The following EPB41 variants were observed in gnomAD, a reference collection of about 807,000 sequenced individuals.
The protein encoded by EPB41 is protein 4.1.
In EPB41, 65 loss-of-function variants were observed where a neutral mutation model predicts 108.0. That is an observed-to-expected ratio of 0.60 (90% CI 0.49 to 0.74). The LOEUF (loss-of-function observed/expected upper bound fraction) is 0.74. EPB41 is among the 30% of genes least tolerant of loss of function. EPB41 has a pLI of 0.00. For synonymous variants in EPB41, 336 were observed against 358.9 expected (o/e 0.94, Z 0.72); for missense variants, 875 against 1,037.0 (o/e 0.84, Z 2.15).
At chr1:28,960,202 C>T (rs749908252) in intron 1 of EPB41, among the ~76,000 whole-genome samples, 7 of 151,176 alleles carry the variant, frequency 4.6e-5, no homozygotes, top group Non-Finnish European at 1.0e-4. Flanking sequence ...AGAGGTGGGG[C>T]GTCTCATCAT....
intron 16 of EPB41, among the ~76,000 whole-genome samples, chr1:29,066,705 C>T (rs1194796112): frequency 1.3e-5 from 2 of 151,960 alleles, no homozygotes; most frequent in African/African-American, 4.8e-5. Flanking sequence ...TGGAGTTTCA[C>T]TCTTGTTGCC....
intron 1 of EPB41, among the ~76,000 whole-genome samples, chr1:28,927,961 AT>A (rs2148456595): frequency 6.6e-6 from 1 of 152,212 alleles, no homozygotes; most frequent in East Asian, 1.9e-4. Flanking sequence ...CCCCTGGGGA[AT>A]CCCTTGCTGA....
chr1:28,926,183 T>A (rs2093435003), intron 1 of EPB41, among the ~76,000 whole-genome samples: 1 of 147,150 alleles, frequency 6.8e-6, no homozygotes, highest in South Asian at 2.1e-4. Context: ...CCATCTCTAC[T>A]AAAAAAAAAA....
At chr1:29,112,512 G>C (rs1333705476) in intron 19 of EPB41, 64 bp downstream of exon 19, 1 of 1,352,708 alleles carries the variant, frequency 7.4e-7, no homozygotes, top group East Asian at 2.3e-5. Context: ...GATGAATACA[G>C]GAGTTTGTTT....
intron 17 of EPB41, among the ~76,000 whole-genome samples, chr1:29,105,439 T>C (rs959618886): frequency 6.6e-5 from 10 of 152,048 alleles, no homozygotes; most frequent in African/African-American, 9.7e-5. Context: ...GGTTTCACCA[T>C]GTTGGCCAGG....
At chr1:29,055,930 C>CAA (rs35702090) in intron 12 of EPB41, among the ~76,000 whole-genome samples, 2,183 of 59,168 alleles carry the variant, frequency 0.037, 160 homozygotes, top group African/African-American at 0.11. Context: ...AAGACTGTCT[C>CAA]AAAAAAAAAA....
In EPB41 at chr1:29,018,391, A is replaced by G. The variant is rs751756531; in HGVS notation, c.1073A>G (p.Asn358Ser). The G allele has an allele frequency of 5.6e-6, 9 of 1,614,152 alleles. No individual in the cohort carries two copies. Among genetic ancestry groups the G allele is most frequent in the Non-Finnish European group, 6.8e-6 (8 of 1,180,036 alleles). The change falls in exon 7 of 21, where the codon AAT (asparagine) becomes AGT (serine). Residue 358 changes from asparagine to serine, a missense_variant. By Grantham distance (46) the Asn-to-Ser change is conservative. Transcript: ENST00000343067. The surrounding 1 kb of genome is among the most constrained non-coding windows in gnomAD (Gnocchi z 4.4). ...DYVSDFKLAP[N>S]QTKELEEKVM... ...GTTAGTGATTTTAAACTGGCCCCGA[A>G]TCAGACCAAGGAACTTGAAGAGAAG...
intron 1 of EPB41, among the ~76,000 whole-genome samples, chr1:28,979,351 G>A (rs1287618994): frequency 6.6e-6 from 1 of 151,432 alleles, no homozygotes. Context: ...TGAGTGTTTT[G>A]AAGACCATAC....
chr1:29,090,453 A>G (rs918349124), intron 16 of EPB41, among the ~76,000 whole-genome samples: 1 of 152,006 alleles, frequency 6.6e-6, no homozygotes. Context: ...TACTAATATG[A>G]TAGAAGTGAC....
intron 1 of EPB41, among the ~76,000 whole-genome samples, chr1:28,919,489 G>A (rs1175879333): frequency 6.6e-6 from 1 of 151,570 alleles, no homozygotes; most frequent in Admixed American, 6.6e-5. Flanking sequence ...TTTGAGGCAG[G>A]GTCTTGCTCT....
chr1:28,948,333 C>G (rs2094561857), intron 1 of EPB41, among the ~76,000 whole-genome samples: 3 of 150,900 alleles, frequency 2.0e-5, no homozygotes, highest in South Asian at 4.2e-4. Flanking sequence ...AACCCCGTCT[C>G]TACTAAAAAT....
intron 1 of EPB41, among the ~76,000 whole-genome samples, chr1:28,917,246 C>CTGTGTG (rs554163319): frequency 6.6e-6 from 1 of 151,528 alleles, no homozygotes; most frequent in African/African-American, 2.4e-5. Flanking sequence ...CCATCTCTCT[C>CTGTGTG]TCTGTGTGTG....
chr1:29,021,435 TAA>T (rs1253895092), intron 7 of EPB41, among the ~76,000 whole-genome samples: 1 of 152,184 alleles, frequency 6.6e-6, no homozygotes, highest in Non-Finnish European at 1.5e-5. Flanking sequence ...TTAATTTTAT[TAA>T]GTCTTGAATA....
At position 29,095,299 on chromosome 1, in the gene EPB41, GT is replaced by G. The variant is rs201881080; in HGVS notation, c.2185-2505del. On this transcript the variant is annotated intron_variant, in intron 16 of 20. Transcript: ENST00000343067. ...TCTCAGCTGCTGGGTCATTTTAATT[GT>G]TTACAAAGAAACATTTCACCATTTT... Among the ~76,000 whole-genome samples the G allele has an allele frequency of 2.0e-4, 30 of 152,276 alleles. 2 individuals carry two copies. The East Asian group carries it at 5.8e-3, about 29-fold the overall frequency.
In EPB41 at chr1:29,013,005, AAAAGTT is replaced by A. The variant is rs565880692; in HGVS notation, c.829+1101_829+1106del. 3.8e-3 allele frequency among the ~76,000 whole-genome samples: 573 copies of A among 152,326 alleles called. 6 individuals are homozygous for A. The highest frequency in any genetic ancestry group is 0.013 in the African/African-American group (532 of 41,560). On this transcript the variant is annotated intron_variant, in intron 5 of 20. Transcript: ENST00000343067. ...TTATCCAAGAAGATTCTTTAAGAGA[AAAAGTT>A]AACAGAGTTTATGATGAGTAAAAAA... is the stretch of plus-strand genomic sequence containing the variant.
chr1:28,929,462 C>A (rs1215375827), intron 1 of EPB41, among the ~76,000 whole-genome samples: 1 of 151,848 alleles, frequency 6.6e-6, no homozygotes, highest in Non-Finnish European at 1.5e-5. Context: ...GATCTCCTGA[C>A]CTTGTGATCC....
In EPB41 at chr1:29,058,599, C is replaced by T. The variant is rs1264206407; in HGVS notation, c.1856C>T (p.Thr619Ile). 1 of 1,613,520 alleles carries T rather than the reference C, an allele frequency of 6.2e-7. No homozygotes were observed. Among genetic ancestry groups the T allele is most frequent in the South Asian group, 1.1e-5 (1 of 90,956 alleles). ...ATTTCTTAAATGTAGGTGGAAAAAA[C>T]CCACATCGAGGTGACAGTACCCACC... ...EPTEAWKVEK[T>I]HIEVTVPTSN... The change falls in exon 13 of 21, where the codon ACC becomes ATC. Residue 619 changes from threonine (T) to isoleucine (I), a missense_variant. Physicochemically the swap from Thr to Ile is moderately conservative, Grantham distance 89. Coordinates refer to ENST00000343067, the MANE Select transcript of EPB41 (RefSeq NM_001376013.1).
In EPB41 at chr1:28,887,509, C is replaced by A. The variant is rs1199828935; in HGVS notation, c.-8+299C>A. 9.1e-6 allele frequency: 9 copies of A among 985,084 alleles called. No individual in the cohort carries two copies. Among genetic ancestry groups the A allele is most frequent in the East Asian group, 1.1e-4 (1 of 8,778 alleles). The allele number at this position is 985,084 out of a possible 1,614,324, so 61.0% of individuals were successfully genotyped here. ...TCCGGCCGGTCCTGGCTGTCTGGGG[C>A]GGGGGTCCTGCATTCGGTGTCCGCG... On this transcript the variant is annotated intron_variant, in intron 1 of 16. Transcript: ENST00000347529. The surrounding 1 kb of genome is among the most constrained non-coding windows in gnomAD (Gnocchi z 4.9).
intron 7 of EPB41, among the ~76,000 whole-genome samples, chr1:29,020,384 C>T (rs1323142455): frequency 1.3e-5 from 2 of 151,660 alleles, no homozygotes; most frequent in Admixed American, 1.3e-4. Context: ...TCAACATTTA[C>T]ATATATAAAA....
Sources: allele counts gnomAD v4.1 joint callset (sites outside exome capture counted in the v4.1 genomes callset), GRCh38; gene constraint gnomAD v4.1.1; non-coding constraint Gnocchi (gnomAD v3.1); transcripts MANE v1.5; gene names NCBI Gene and HGNC (gene_info 2026-07-23, HGNC 2026-07-21).